The following CALN1 variants were observed in gnomAD, a reference collection of about 807,000 sequenced individuals.
CALN1 encodes the protein calcium-binding protein 8.
In CALN1, 17 loss-of-function variants were observed where a neutral mutation model predicts 30.6. The observed-to-expected ratio is 0.56, with a 90% confidence interval of 0.38 to 0.83. CALN1 has a LOEUF of 0.83. Among genes scored for constraint, CALN1 ranks in the 40% least tolerant of loss-of-function variants. CALN1 has a pLI of 0.00. For synonymous variants in CALN1, 156 were observed against 131.4 expected, an observed-to-expected ratio of 1.19 and a Z score of -1.28; for missense variants, 291 against 354.9, an observed-to-expected ratio of 0.82 and a Z score of 1.45.
At chr7:72,397,712 TCTCACACACACA>T (rs1318425461) in intron 2 of CALN1, among the ~76,000 whole-genome samples, 3 of 70,290 alleles carry the variant, frequency 4.3e-5, no homozygotes, top group African/African-American at 1.0e-4. Flanking sequence ...ACCCATTCTC[TCTCACACACACA>T]CACACACACA....
At chr7:72,161,946 G>A (rs1788142472) in intron 3 of CALN1, among the ~76,000 whole-genome samples, 1 of 151,724 alleles carries the variant, frequency 6.6e-6, no homozygotes, top group Admixed American at 6.6e-5. Context: ...AAAAAAGTTG[G>A]TGATTCTTGT....
At chr7:71,913,325 T>C (rs111258732) in intron 5 of CALN1, among the ~76,000 whole-genome samples, 16 of 152,316 alleles carry the variant, frequency 1.1e-4, no homozygotes, top group African/African-American at 3.8e-4. Flanking sequence ...TTATAGCCAC[T>C]GTTAGGATTC....
chr7:72,199,919 A>T (rs2129547364), intron 3 of CALN1, among the ~76,000 whole-genome samples: 1 of 152,282 alleles, frequency 6.6e-6, no homozygotes, highest in Admixed American at 6.5e-5. Flanking sequence ...ACTGCAGCCC[A>T]AACTATAAGG....
intron 2 of CALN1, among the ~76,000 whole-genome samples, chr7:72,400,915 G>A (rs7790639): frequency 0.022 from 3,381 of 152,226 alleles, 130 homozygotes; most frequent in African/African-American, 0.077. Flanking sequence ...TCTGGAGATG[G>A]AAGATGAGAC....
At chr7:72,120,769 C>T (rs1584983774) in intron 3 of CALN1, among the ~76,000 whole-genome samples, 2 of 152,236 alleles carry the variant, frequency 1.3e-5, no homozygotes, top group East Asian at 3.9e-4. Flanking sequence ...GATTACAAGG[C>T]TACGCTTCAA....
chr7:72,411,334 G>A (rs896796995), intron 1 of CALN1, among the ~76,000 whole-genome samples: 2 of 151,784 alleles, frequency 1.3e-5, no homozygotes, highest in African/African-American at 4.8e-5. Flanking sequence ...TAAGTCTCAG[G>A]ACAAAAAGAA....
chr7:72,022,920 TAAAA>T (rs3065006), intron 5 of CALN1, among the ~76,000 whole-genome samples: 1 of 125,796 alleles, frequency 7.9e-6, no homozygotes, highest in East Asian at 2.1e-4. Flanking sequence ...TAAATAAAAT[TAAAA>T]AAAAAAAAAA....
At chr7:72,192,036 A>G (rs1333523135) in intron 3 of CALN1, among the ~76,000 whole-genome samples, 1 of 152,148 alleles carries the variant, frequency 6.6e-6, no homozygotes, top group Non-Finnish European at 1.5e-5. Flanking sequence ...TCCAGAGTGC[A>G]CCTGAATTTC....
At chr7:71,911,776 A>G (rs1291468044) in intron 5 of CALN1, among the ~76,000 whole-genome samples, 1 of 152,186 alleles carries the variant, frequency 6.6e-6, no homozygotes, top group East Asian at 1.9e-4. Context: ...CTCTCTGTAC[A>G]CATTATTCTT....
chr7:71,939,591 T>C (rs1243202483), intron 5 of CALN1, among the ~76,000 whole-genome samples: 1 of 151,430 alleles, frequency 6.6e-6, no homozygotes, highest in Admixed American at 6.6e-5. Flanking sequence ...AAAAAAAGTT[T>C]ACGGATGGTA....
chr7:72,447,119 GC>G, upstream of CALN1: 1 of 166,968 alleles, frequency 6.0e-6, no homozygotes, highest in East Asian at 1.5e-4. Context: ...TCAGGAAGGA[GC>G]AGGGCACTGC....
chr7:72,300,330 T>C (rs1361200602), intron 2 of CALN1, among the ~76,000 whole-genome samples: 2 of 149,996 alleles, frequency 1.3e-5, no homozygotes, highest in East Asian at 3.9e-4. Context: ...TGTAACTCTA[T>C]TTTTTTTTTC....
intron 5 of CALN1, among the ~76,000 whole-genome samples, chr7:71,960,844 GTCT>G (rs1489036038): frequency 6.6e-6 from 1 of 152,124 alleles, no homozygotes; most frequent in Non-Finnish European, 1.5e-5. Context: ...TTGAGACAGA[GTCT>G]TACTCTGTTG....
upstream of CALN1, among the ~76,000 whole-genome samples, chr7:72,413,603 C>T (rs1807318963): frequency 6.6e-6 from 1 of 152,036 alleles, no homozygotes; most frequent in Admixed American, 6.6e-5. Flanking sequence ...CACACTAACA[C>T]ATGCACACAT....
chr7:72,315,575 G>A (rs1358393335), intron 2 of CALN1, among the ~76,000 whole-genome samples: 1 of 151,802 alleles, frequency 6.6e-6, no homozygotes, highest in Non-Finnish European at 1.5e-5. Flanking sequence ...TGTGGTGGTG[G>A]ATGCCTGTAG....
intron 3 of CALN1, among the ~76,000 whole-genome samples, chr7:72,219,640 C>T (rs929173209): frequency 3.3e-5 from 5 of 150,980 alleles, no homozygotes; most frequent in African/African-American, 1.2e-4. Flanking sequence ...CACATGCGCG[C>T]ACACACACAC....
intron 4 of CALN1, among the ~76,000 whole-genome samples, chr7:72,053,864 T>TA (rs1803001137): frequency 6.6e-6 from 1 of 151,504 alleles, no homozygotes; most frequent in South Asian, 2.1e-4. Context: ...GCTTAGCTCT[T>TA]ACGTATCGGT....
intron 5 of CALN1, among the ~76,000 whole-genome samples, chr7:71,892,411 C>A (rs549304949): frequency 6.6e-6 from 1 of 152,048 alleles, no homozygotes; most frequent in Non-Finnish European, 1.5e-5. Flanking sequence ...CCGAGGTGGG[C>A]GGATTACTTG....
chr7:72,098,762 GCGCACA>G lies in CALN1; in HGVS notation c.388+7383_388+7388del, dbSNP rs1220348239. On this transcript the variant is annotated intron_variant, in intron 4 of 6. Transcript: ENST00000395275. Reference sequence around the variant, plus strand: ...CTCTGAGCAGTTCAGCCCATTTGGCGCGCACACACACACACACACACACACACACAC... The same window carrying G: ...CTCTGAGCAGTTCAGCCCATTTGGCGCACACACACACACACACACACACAC... 2.1e-3 allele frequency among the ~76,000 whole-genome samples: 241 copies of G among 115,376 alleles called. 3 individuals carry two copies. Among genetic ancestry groups the G allele is most frequent in the South Asian group, 0.013 (51 of 4,052 alleles). The allele number at this position is 115,376 out of a possible 152,430, so 75.7% of individuals were successfully genotyped here. A position where few individuals can be genotyped will look rare whatever the true frequency, so the allele number is the denominator to read the frequency against.
Sources: allele counts gnomAD v4.1 joint callset (sites outside exome capture counted in the v4.1 genomes callset), GRCh38; gene constraint gnomAD v4.1.1; transcripts MANE v1.5; gene names NCBI Gene and HGNC (gene_info 2026-07-23, HGNC 2026-07-21).